Variants in MECOM observed in about 807,000 individuals in gnomAD.
MECOM encodes histone-lysine N-methyltransferase MECOM.
MECOM carries 13 observed loss-of-function variants against 116.3 expected under a neutral mutation model. The observed-to-expected ratio is 0.11, with a 90% CI of 0.07 to 0.18. The LOEUF (loss-of-function observed/expected upper bound fraction) is 0.18. Ranked by LOEUF, MECOM falls within the 10% of genes least tolerant of loss-of-function variation. The probability of loss-of-function intolerance (pLI) is 1.00; values close to 1 mark genes in which losing one functional copy is unlikely to be tolerated. For missense variants in MECOM, 1,299 were observed against 1,509.0 expected (o/e 0.86, Z 2.31); for synonymous variants, 528 against 535.2 (o/e 0.99, Z 0.19).
chr3:169,361,279 A>G (rs547149048), intron 2 of MECOM, among the ~76,000 whole-genome samples: 3 of 152,004 alleles, frequency 2.0e-5, no homozygotes, highest in East Asian at 3.9e-4. Flanking sequence ...CAAAAGAACC[A>G]TTTAAACATG....
chr3:169,083,882 T>A lies in MECOM; in HGVS notation c.*1027A>T. 4.5e-6 allele frequency: 1 copy of A among 221,024 alleles called. No homozygotes were observed. Among genetic ancestry groups the A allele is most frequent in the East Asian group, 6.6e-5 (1 of 15,100 alleles). 13.7% of individuals were successfully genotyped at this position (221,024 alleles called of 1,614,324 possible). A position where few individuals can be genotyped will look rare whatever the true frequency, so the allele number is the denominator to read the frequency against. On this transcript the variant is annotated 3_prime_UTR_variant, in exon 17 of 17. Coordinates refer to ENST00000651503, the MANE Select transcript of MECOM (RefSeq NM_004991.4). ...GTTTATACAATTGAATCGATTTCAG[T>A]ATTACAAAAACTAAGTTGCATCTAT...
chr3:169,213,393 T>C (rs887068406), intron 2 of MECOM, among the ~76,000 whole-genome samples: 13 of 152,128 alleles, frequency 8.5e-5, no homozygotes, highest in Non-Finnish European at 1.2e-4. Context: ...TTTCATCATG[T>C]TTTGGCTTTT....
chr3:169,173,639 C>A (rs1162509839), intron 2 of MECOM, among the ~76,000 whole-genome samples: 1 of 152,214 alleles, frequency 6.6e-6, no homozygotes, highest in Admixed American at 6.5e-5. Context: ...GTATCAAATG[C>A]TTCTCACTAT....
intron 1 of MECOM, among the ~76,000 whole-genome samples, chr3:169,578,629 C>T (rs2109513862): frequency 6.6e-6 from 1 of 152,130 alleles, no homozygotes; most frequent in African/African-American, 2.4e-5. Context: ...AATAGAGTAG[C>T]CTAAGTTAAA....
intron 1 of MECOM, among the ~76,000 whole-genome samples, chr3:169,446,911 C>T (rs1356893280): frequency 6.6e-6 from 1 of 152,174 alleles, no homozygotes; most frequent in Non-Finnish European, 1.5e-5. Context: ...ACTCCCTGCA[C>T]ATGCCATTGT....
intron 2 of MECOM, among the ~76,000 whole-genome samples, chr3:169,302,475 CA>C (rs1238835598): frequency 6.6e-6 from 1 of 152,138 alleles, no homozygotes; most frequent in Non-Finnish European, 1.5e-5. Context: ...ACAATTATTA[CA>C]TTATAATTAT....
At chr3:169,466,364 C>T (rs1234298251) in intron 1 of MECOM, among the ~76,000 whole-genome samples, 1 of 152,168 alleles carries the variant, frequency 6.6e-6, no homozygotes, top group Non-Finnish European at 1.5e-5. Flanking sequence ...AGGCTCTGCG[C>T]TGTGCTTGGC....
At chr3:169,302,504 T>G (rs971964121) in intron 2 of MECOM, among the ~76,000 whole-genome samples, 1 of 152,170 alleles carries the variant, frequency 6.6e-6, no homozygotes, top group Non-Finnish European at 1.5e-5. Context: ...TTAATATTGA[T>G]TGAAAGAATG....
At position 169,614,150 on chromosome 3, in the gene MECOM, A is replaced by G. The variant is rs118095757; in HGVS notation, c.37+49186T>C. Among the ~76,000 whole-genome samples, 2,275 of 128,608 alleles carry G rather than the reference A, an allele frequency of 0.018. 204 individuals are homozygous for G. In the East Asian group the frequency reaches 0.29, roughly 17 times the overall value. 84.4% of individuals were successfully genotyped at this position (128,608 alleles called of 152,430 possible). A position where few individuals can be genotyped will look rare whatever the true frequency, so the allele number is the denominator to read the frequency against. On this transcript the variant is annotated intron_variant, in intron 1 of 16. Transcript: ENST00000651503. ...CTCTCTCTCTCTCTTTCTCTCTCTCATCTCTTTCCCACACACACAAACTAA... is the reference window on the plus strand; with the variant it reads ...CTCTCTCTCTCTCTTTCTCTCTCTCGTCTCTTTCCCACACACACAAACTAA...
At chr3:169,506,476 T>TTTTTTTTTTAA in intron 1 of MECOM, among the ~76,000 whole-genome samples, 1 of 152,102 alleles carries the variant, frequency 6.6e-6, no homozygotes, top group East Asian at 1.9e-4. Flanking sequence ...CTTTTTTTTT[T>TTTTTTTTTTAA]AAAGAAAGCG....
intron 2 of MECOM, among the ~76,000 whole-genome samples, chr3:169,195,366 A>G (rs1334143987): frequency 6.6e-6 from 1 of 152,076 alleles, no homozygotes; most frequent in Non-Finnish European, 1.5e-5. Context: ...TGCAGTTTGT[A>G]GAATGTGACT....
chr3:169,134,384 T>G (rs1261963953), intron 3 of MECOM, among the ~76,000 whole-genome samples: 1 of 152,226 alleles, frequency 6.6e-6, no homozygotes, highest in African/African-American at 2.4e-5. Flanking sequence ...TTGGCTTTAT[T>G]TACTGGAGGT....
chr3:169,485,827 A>G (rs1190577276), intron 1 of MECOM, among the ~76,000 whole-genome samples: 1 of 141,070 alleles, frequency 7.1e-6, no homozygotes, highest in Non-Finnish European at 1.5e-5. Flanking sequence ...AAATATATAT[A>G]TGTATATATA....
chr3:169,163,870 T>C (rs1743197307), intron 2 of MECOM, among the ~76,000 whole-genome samples: 1 of 152,044 alleles, frequency 6.6e-6, no homozygotes, highest in African/African-American at 2.4e-5. Context: ...AACATTAGAT[T>C]AATAAAAGAA....
intron 2 of MECOM, among the ~76,000 whole-genome samples, chr3:169,158,957 G>A (rs144259399): frequency 1.5e-4 from 23 of 152,198 alleles, no homozygotes; most frequent in Middle Eastern, 3.4e-3. Context: ...CGAATCACCC[G>A]TACCTAGGAA....
intron 1 of MECOM, chr3:169,613,886 C>T (rs1438735725): frequency 6.6e-6 from 1 of 152,166 alleles, no homozygotes; most frequent in Non-Finnish European, 1.5e-5. Flanking sequence ...TAGAACTAGG[C>T]TCAGTCTTAG....
intron 1 of MECOM, among the ~76,000 whole-genome samples, chr3:169,560,288 G>A (rs1762495143): frequency 6.6e-6 from 1 of 152,114 alleles, no homozygotes; most frequent in Non-Finnish European, 1.5e-5. Context: ...GTAATGAATG[G>A]TGCTTTGGGT....
At chr3:169,347,233 A>T (rs1350133293) in intron 2 of MECOM, among the ~76,000 whole-genome samples, 1 of 151,946 alleles carries the variant, frequency 6.6e-6, no homozygotes, top group Non-Finnish European at 1.5e-5. Flanking sequence ...GTTGTACTTC[A>T]TGGGGGGGCA....
intron 2 of MECOM, among the ~76,000 whole-genome samples, chr3:169,197,784 G>T (rs1435562596): frequency 6.6e-6 from 1 of 152,006 alleles, no homozygotes; most frequent in East Asian, 1.9e-4. Context: ...TTCTGAAAAT[G>T]ACTGATCTCT....
Sources: allele counts gnomAD v4.1 joint callset (sites outside exome capture counted in the v4.1 genomes callset), GRCh38; gene constraint gnomAD v4.1.1; transcripts MANE v1.5; gene names NCBI Gene and HGNC (gene_info 2026-07-23, HGNC 2026-07-21).